Variants in TRIM41 observed in about 807,000 individuals in gnomAD.
TRIM41 encodes the protein E3 ubiquitin-protein ligase TRIM41.
In TRIM41, 21 loss-of-function variants were observed where a neutral mutation model predicts 60.6. The ratio of observed to expected loss-of-function variants is 0.35; its 90% confidence interval spans 0.25 to 0.50. The LOEUF is 0.50. TRIM41 is among the 20% of genes least tolerant of loss of function. The pLI is 0.98. For synonymous variants in TRIM41, 407 were observed against 344.9 expected (o/e 1.18, Z -2.00); for missense variants, 846 against 868.3 (o/e 0.97, Z 0.32).
Position 181,224,083 on chromosome 5 carries a change from G to A in TRIM41, c.84G>A (p.Thr28=), listed in dbSNP as rs1261281193. 3 of 1,614,134 alleles carry A rather than the reference G, an allele frequency of 1.9e-6. No homozygotes were observed. In the African/African-American group the frequency reaches 4.0e-5, roughly 22 times the overall value. Residue 28 remains threonine, a synonymous_variant, in exon 1 of 6, where the codon ACG becomes ACA. Coordinates refer to ENST00000315073, the MANE Select transcript of TRIM41 (RefSeq NM_033549.5). ...AVCAICLDYF[T]DPVSIGCGHN... ...GCGCCATCTGCCTCGATTACTTCAC[G>A]GACCCCGTGTCCATCGGCTGCGGGC... is the stretch of plus-strand genomic sequence containing the variant.
At chr5:181,229,994 G>C (rs1446988335) in intron 1 of TRIM41, 1 of 152,346 alleles carries the variant, frequency 6.6e-6, no homozygotes, top group African/African-American at 2.4e-5. Context: ...GGAAGTGGTG[G>C]TGACCCATGG....
At chr5:181,232,032 C>T (rs1320422229) in intron 2 of TRIM41, 5 of 152,192 alleles carry the variant, frequency 3.3e-5, no homozygotes, top group African/African-American at 9.7e-5. Context: ...AAAGTTTTTC[C>T]GAGTTCTGAT....
Position 181,235,272 on chromosome 5 carries a change from T to C in TRIM41, c.*497T>C. The C allele has an allele frequency of 4.3e-6, 7 of 1,612,180 alleles. No homozygotes were observed. Among genetic ancestry groups the C allele is most frequent in the Non-Finnish European group, 5.9e-6 (7 of 1,178,922 alleles). On this transcript the variant is annotated 3_prime_UTR_variant, in exon 6 of 6. Transcript: ENST00000315073. ...TGGGGAGGCAGGCTGGGCCAAAGGG[T>C]AGAGCTGGGTAATAAATGTCTATTC...
At position 181,234,645 on chromosome 5, in the gene TRIM41, G is replaced by A. The variant is rs1758988804; in HGVS notation, c.1763G>A (p.Gly588Glu). Residue 588 changes from glycine to glutamate, a missense_variant, in exon 6 of 6, where the codon GGG becomes GAG. Coordinates refer to ENST00000315073, the MANE Select transcript of TRIM41 (RefSeq NM_033549.5). The surrounding 1 kb of genome is among the most constrained non-coding windows in gnomAD (Gnocchi z 5.6). ...GGTGTGTACCTGGACTATGAAGCTG[G>A]GCGCCTGGGCTTCTACAACGCAGAG... is the stretch of plus-strand genomic sequence containing the variant. ...RFGVYLDYEA[G>E]RLGFYNAETL... is the part of the protein sequence containing the mutation. 1 of 1,614,234 alleles carries A rather than the reference G, an allele frequency of 6.2e-7. No individual in the cohort carries two copies. The highest frequency in any genetic ancestry group is 8.5e-7 in the Non-Finnish European group (1 of 1,180,050).
In TRIM41 at chr5:181,234,122, CAG is replaced by C. The variant is rs889580812; in HGVS notation, c.1292-51_1292-50del. ...CCCAATCTGTGGAGTTGGCTGCTGA[CAG>C]GGGAACAGCCGTTCCAGCCCTGGCG... is the stretch of plus-strand genomic sequence containing the variant. On this transcript the variant is annotated intron_variant, in intron 5 of 5. Coordinates refer to ENST00000315073, the MANE Select transcript of TRIM41 (RefSeq NM_033549.5). The surrounding 1 kb of genome is among the most constrained non-coding windows in gnomAD (Gnocchi z 5.6). 4.7e-5 allele frequency: 76 copies of C among 1,600,632 alleles called. No individual in the cohort carries two copies. The highest frequency in any genetic ancestry group is 3.3e-4 in the Middle Eastern group (2 of 6,032).
At position 181,234,511 on chromosome 5, in the gene TRIM41, C is replaced by T. The variant is rs2113192493; in HGVS notation, c.1629C>T (p.Pro543=). Residue 543 remains proline, a synonymous_variant, in exon 6 of 6, where the codon CCC becomes CCT. Coordinates refer to ENST00000315073, the MANE Select transcript of TRIM41 (RefSeq NM_033549.5). This position sits in a 1 kb window ranked among gnomAD's most constrained non-coding sequence, Gnocchi z 5.6. The stretch of plus-strand genomic sequence containing the variant: ...GCCGGCTCCACCTGCCCCAGCAGCC[C>T]CTGCTCCAGCGGGAAGTGTGGTGCG... ...RRRRLHLPQQ[P]LLQREVWCVG... 6.2e-7 allele frequency: 1 copy of T among 1,614,062 alleles called. No individual in the cohort carries two copies. Among genetic ancestry groups the T allele is most frequent in the Non-Finnish European group, 8.5e-7 (1 of 1,179,938 alleles).
At position 181,233,137 on chromosome 5, in the gene TRIM41, A is replaced by G; in HGVS notation, c.1140+248A>G. The G allele has an allele frequency of 2.8e-6, 2 of 714,184 alleles. No homozygotes were observed. Among genetic ancestry groups the G allele is most frequent in the South Asian group, 1.5e-5 (1 of 67,144 alleles). The allele number at this position is 714,184 out of a possible 1,614,324, so 44.2% of individuals were successfully genotyped here. A position where few individuals can be genotyped will look rare whatever the true frequency, so the allele number is the denominator to read the frequency against. Reference sequence around the variant, plus strand: ...AGAGGTTTAAATGACAGTTGAGGAAAGTCTTTTTGACAGTGACATCCTGAA... The same window carrying G: ...AGAGGTTTAAATGACAGTTGAGGAAGGTCTTTTTGACAGTGACATCCTGAA... On this transcript the variant is annotated intron_variant, in intron 3 of 5. Coordinates refer to ENST00000315073, the MANE Select transcript of TRIM41 (RefSeq NM_033549.5). This position sits in a 1 kb window ranked among gnomAD's most constrained non-coding sequence, Gnocchi z 4.1.
chr5:181,235,327 T>G lies in TRIM41; in HGVS notation c.*552T>G, dbSNP rs748860114. ...GGGGAGGAGGGATTCTAAACTTTCC[T>G]TCCGTCCTCAATTTCTACCTCCATA... On this transcript the variant is annotated 3_prime_UTR_variant, in exon 6 of 6. Transcript: ENST00000315073. 51 of 1,614,100 alleles carry G rather than the reference T, an allele frequency of 3.2e-5. No homozygotes were observed. The highest frequency in any genetic ancestry group is 3.4e-5 in the Non-Finnish European group (40 of 1,180,038).
Position 181,235,642 on chromosome 5 carries a change from G to T in TRIM41, c.*867G>T. The T allele has an allele frequency of 1.9e-6, 1 of 532,486 alleles. No homozygotes were observed. The highest frequency in any genetic ancestry group is 3.1e-5 in the East Asian group (1 of 32,654). 33.0% of individuals were successfully genotyped at this position (532,486 alleles called of 1,614,324 possible). A position where few individuals can be genotyped will look rare whatever the true frequency, so the allele number is the denominator to read the frequency against. On this transcript the variant is annotated 3_prime_UTR_variant, in exon 6 of 6. Coordinates refer to ENST00000315073, the MANE Select transcript of TRIM41 (RefSeq NM_033549.5). ...AAGCTCTGAGGGGGAGCCTGGGGAC[G>T]GGTTTGGGTCCCCAGGAGGAGAGCC...
chr5:181,232,910 G>A (rs1470380689), intron 3 of TRIM41, 21 bp downstream of exon 3: 2 of 1,535,362 alleles, frequency 1.3e-6, no homozygotes, highest in Non-Finnish European at 1.7e-6. Context: ...TCCCCTCCCT[G>A]TTCCCCCAGC....
chr5:181,235,377 T>A lies in TRIM41; in HGVS notation c.*602T>A. On this transcript the variant is annotated 3_prime_UTR_variant, in exon 6 of 6. Transcript: ENST00000315073. ...AGACCGGCCAGAATTTAGCTTCACT[T>A]GAGAGAGATCTGGAATGGTCGCCAT... is the stretch of plus-strand genomic sequence containing the variant. 6.2e-7 allele frequency: 1 copy of A among 1,614,204 alleles called. No homozygotes were observed. The highest frequency in any genetic ancestry group is 2.2e-5 in the East Asian group (1 of 44,892).
At chr5:181,229,405 C>T (rs1440948449) in intron 1 of TRIM41, 1 of 152,234 alleles carries the variant, frequency 6.6e-6, no homozygotes, top group African/African-American at 2.4e-5. Context: ...CCTATATTCT[C>T]TCTCAAAGAA....
intron 2 of TRIM41, 200 bp downstream of exon 2, chr5:181,231,039 A>G (rs934379281): frequency 2.7e-5 from 12 of 450,278 alleles, no homozygotes; most frequent in Non-Finnish European, 4.2e-5. Flanking sequence ...TGGTTCCAAA[A>G]TGGAGTGGAA....
chr5:181,235,137 CT>C lies in TRIM41; in HGVS notation c.*363del. The C allele has an allele frequency of 6.4e-7, 1 of 1,555,214 alleles. No individual in the cohort carries two copies. Among genetic ancestry groups the C allele is most frequent in the Non-Finnish European group, 8.7e-7 (1 of 1,151,038 alleles). On this transcript the variant is annotated 3_prime_UTR_variant, in exon 6 of 6. Coordinates refer to ENST00000315073, the MANE Select transcript of TRIM41 (RefSeq NM_033549.5). ...CTTAACTTCCTTTTCCCCACCCCTG[CT>C]CTTCAACCTCTTTATCAGTTCTGAG...
In TRIM41 at chr5:181,224,861, G is replaced by C. The variant is rs73365905; in HGVS notation, c.813+49G>C. On this transcript the variant is annotated intron_variant, in intron 1 of 5. Transcript: ENST00000315073. ...TGGGAGTTTAGTGGGGGGATGGAGA[G>C]GAAGTAAGGGGACCTGGGAAAAGGA... The C allele has an allele frequency of 5.2e-3, 8,367 of 1,610,264 alleles. 370 individuals are homozygous for C. In the African/African-American group the frequency reaches 0.099, roughly 19 times the overall value.
intron 1 of TRIM41, chr5:181,228,478 A>C (rs1249409061): frequency 6.8e-6 from 1 of 147,266 alleles, no homozygotes; most frequent in Non-Finnish European, 1.5e-5. Context: ...GAATCGCTTG[A>C]ACCTGGGAGG....
intron 1 of TRIM41, chr5:181,226,913 G>C (rs1045892138): frequency 2.7e-5 from 4 of 146,728 alleles, no homozygotes; most frequent in Non-Finnish European, 6.0e-5. Context: ...CACTCTTGTT[G>C]CCCAGGCTGG....
chr5:181,226,125 G>A (rs982906050), intron 1 of TRIM41: 3 of 149,184 alleles, frequency 2.0e-5, no homozygotes, highest in African/African-American at 7.5e-5. Context: ...AATTTTTTGA[G>A]ACGGAGTCTC....
Position 181,234,932 on chromosome 5 carries a change from G to A in TRIM41, c.*157G>A. On this transcript the variant is annotated 3_prime_UTR_variant, in exon 6 of 6. Transcript: ENST00000315073. The surrounding 1 kb of genome is among the most constrained non-coding windows in gnomAD (Gnocchi z 5.6). ...CCCAGGCCCCTGCTTCTCCCTCTAG[G>A]AGCCTAAAGAACCCTCCTGGCCTCC... is the stretch of plus-strand genomic sequence containing the variant. 1 of 1,613,716 alleles carries A rather than the reference G, an allele frequency of 6.2e-7. No individual in the cohort carries two copies. The highest frequency in any genetic ancestry group is 1.3e-5 in the African/African-American group (1 of 74,982).
Sources: allele counts gnomAD v4.1 joint callset, GRCh38; gene constraint gnomAD v4.1.1; non-coding constraint Gnocchi (gnomAD v3.1); transcripts MANE v1.5; gene names NCBI Gene and HGNC (gene_info 2026-07-23, HGNC 2026-07-21).